The following DSE variants were observed in gnomAD, a reference collection of about 807,000 sequenced individuals.
DSE encodes dermatan sulfate epimerase.
A neutral mutation model predicts 84.4 loss-of-function variants in DSE; 36 were observed. The ratio of observed to expected loss-of-function variants is 0.43; its 90% CI spans 0.33 to 0.56. The LOEUF is 0.56. Ranked by LOEUF, DSE falls within the 20% of genes least tolerant of loss-of-function variation. The pLI is 0.06. For synonymous variants in DSE, 410 were observed against 430.1 expected (o/e 0.95, Z 0.58); for missense variants, 862 against 1,169.6 (o/e 0.74, Z 3.84).
At position 116,431,202 on chromosome 6, in the gene DSE, A is replaced by C. The variant is rs889237042; in HGVS notation, c.910+9A>C. 47 of 1,613,214 alleles carry C rather than the reference A, an allele frequency of 2.9e-5. No individual in the cohort carries two copies. Among genetic ancestry groups the C allele is most frequent in the Non-Finnish European group, 3.7e-5 (44 of 1,179,434 alleles). On this transcript the variant is annotated intron_variant, in intron 4 of 5. Transcript: ENST00000644252. ...TAGAACCATCCTGCCAGGTATAGTG[A>C]GGAGTCAGAAGTGTGAAAACATTAA...
chr6:116,400,015 A>G (rs1201934748), intron 2 of DSE: 1 of 201,752 alleles, frequency 5.0e-6, no homozygotes, highest in South Asian at 1.1e-4. Flanking sequence ...ATTGATCCCA[A>G]GTAGTTAAAA....
chr6:116,387,185 T>C (rs928071070), intron 1 of DSE, among the ~76,000 whole-genome samples: 2 of 152,106 alleles, frequency 1.3e-5, no homozygotes, highest in Non-Finnish European at 2.9e-5. Flanking sequence ...GTGATATTTA[T>C]TGGGTTCAGG....
chr6:116,282,471 G>A (rs984850689), intron 2 of DSE, among the ~76,000 whole-genome samples: 1 of 152,096 alleles, frequency 6.6e-6, no homozygotes, highest in African/African-American at 2.4e-5. Context: ...TACCAGTAAT[G>A]CTAGGAAAAC....
intron 2 of DSE, among the ~76,000 whole-genome samples, chr6:116,276,085 G>T (rs990802533): frequency 6.6e-6 from 1 of 152,154 alleles, no homozygotes; most frequent in Non-Finnish European, 1.5e-5. Flanking sequence ...TAGAACAGAG[G>T]TCCCTCCAAA....
rs1239208825 is a variant in DSE, at chr6:116,442,404, T to C, written c.*5059T>C. On this transcript the variant is annotated 3_prime_UTR_variant, in exon 6 of 6. Coordinates refer to ENST00000644252, the MANE Select transcript of DSE (RefSeq NM_013352.4). ...TTTAGCCATGTTAAGTTTAAGATAC[T>C]TTCTAAAAATCCAAGTGGAGATGTA... 1 of 152,130 alleles carries C rather than the reference T, an allele frequency of 6.6e-6. No homozygotes were observed. The highest frequency in any genetic ancestry group is 1.5e-5 in the Non-Finnish European group (1 of 68,030). 9.4% of individuals were successfully genotyped at this position (152,130 alleles called of 1,614,324 possible).
chr6:116,322,776 T>C (rs1025077516), intron 2 of DSE, among the ~76,000 whole-genome samples: 15 of 152,216 alleles, frequency 9.9e-5, no homozygotes, highest in African/African-American at 3.6e-4. Context: ...CATGTGCATG[T>C]GTAAATGACT....
At chr6:116,421,491 T>A (rs1783093181) in intron 2 of DSE, among the ~76,000 whole-genome samples, 1 of 111,200 alleles carries the variant, frequency 9.0e-6, no homozygotes, top group Non-Finnish European at 1.8e-5. Flanking sequence ...TTTTTTTTTT[T>A]AGGTACAGGG....
chr6:116,291,216 T>C (rs973523564), intron 2 of DSE, among the ~76,000 whole-genome samples: 4 of 152,098 alleles, frequency 2.6e-5, no homozygotes, highest in Non-Finnish European at 5.9e-5. Context: ...TAATACCAGA[T>C]GATACCAATA....
At chr6:116,353,489 CT>C (rs1486753830) in intron 2 of DSE, among the ~76,000 whole-genome samples, 9 of 152,136 alleles carry the variant, frequency 5.9e-5, no homozygotes, top group Non-Finnish European at 1.3e-4. Context: ...CAGTAAGGTT[CT>C]TTAAATAAAC....
In DSE at chr6:116,397,952, T is replaced by C. The variant is rs3777996; in HGVS notation, c.-53-1246T>C. 1.7e-3 allele frequency among the ~76,000 whole-genome samples: 263 copies of C among 152,334 alleles called. 5 individuals carry two copies. In the East Asian group the frequency reaches 0.046, roughly 27 times the overall value. ...ACACACAGCAAGTTGAAAATGTGGA[T>C]TGATCTGCCATATCTGTTAAATTAT... On this transcript the variant is annotated intron_variant, in intron 1 of 5. Transcript: ENST00000644252.
At chr6:116,382,388 C>T (rs1302737457) in intron 1 of DSE, among the ~76,000 whole-genome samples, 1 of 152,250 alleles carries the variant, frequency 6.6e-6, no homozygotes, top group South Asian at 2.1e-4. Flanking sequence ...CTTCTGTCTC[C>T]TTTCTGCCTG....
chr6:116,393,061 CT>C (rs1308392863), intron 1 of DSE, among the ~76,000 whole-genome samples: 2 of 152,142 alleles, frequency 1.3e-5, no homozygotes, highest in African/African-American at 4.8e-5. Flanking sequence ...TAAGAAACAG[CT>C]TTCCAGCCAG....
chr6:116,254,236 T>G, exon 1 of DSE: 1 of 702,720 alleles, frequency 1.4e-6, no homozygotes, highest in Non-Finnish European at 2.6e-6. Flanking sequence ...CAAAAAGAAT[T>G]TCGTCAGTCT....
At chr6:116,353,991 A>G (rs781638431) in intron 2 of DSE, among the ~76,000 whole-genome samples, 36 of 152,218 alleles carry the variant, frequency 2.4e-4, no homozygotes, top group Non-Finnish European at 4.3e-4. Context: ...TATAATGCCT[A>G]TCTACTTTTA....
chr6:116,279,829 A>G (rs775521520), intron 2 of DSE: 1 of 1,613,036 alleles, frequency 6.2e-7, no homozygotes, highest in South Asian at 1.1e-5. Context: ...CAGGCCGCTC[A>G]TGTTGCTAAC....
chr6:116,360,379 AT>A (rs66488424), intron 2 of DSE, among the ~76,000 whole-genome samples: 6,297 of 152,264 alleles, frequency 0.041, 408 homozygotes, highest in African/African-American at 0.14. Context: ...AGGAATATTT[AT>A]CTGCATCTGC....
chr6:116,424,266 C>T (rs926440612), intron 2 of DSE, among the ~76,000 whole-genome samples: 4 of 152,204 alleles, frequency 2.6e-5, no homozygotes, highest in African/African-American at 9.7e-5. Flanking sequence ...AATTGTTTTT[C>T]TCCTAGAAGT....
At chr6:116,372,284 C>T (rs1178541134) in intron 1 of DSE, among the ~76,000 whole-genome samples, 1 of 151,898 alleles carries the variant, frequency 6.6e-6, no homozygotes, top group East Asian at 1.9e-4. Context: ...CTGGCTAACA[C>T]GGTGAAACCC....
At chr6:116,323,941 C>G (rs1208640462) in intron 2 of DSE, among the ~76,000 whole-genome samples, 2 of 151,984 alleles carry the variant, frequency 1.3e-5, no homozygotes, top group African/African-American at 4.8e-5. Flanking sequence ...CTGATTTATC[C>G]AACTCTTCTC....
Sources: gnomAD v4.1 joint callset for allele counts (sites outside exome capture counted in the v4.1 genomes callset) on GRCh38, gnomAD v4.1.1 for gene constraint, MANE v1.5 for transcripts, NCBI Gene and HGNC (gene_info 2026-07-23, HGNC 2026-07-21) for gene names.